Variants in CTNNA2 observed in about 807,000 individuals in gnomAD.
CTNNA2 encodes the protein catenin alpha-2.
In CTNNA2, 42 loss-of-function variants were observed where a neutral mutation model predicts 101.0. The ratio of observed to expected loss-of-function variants is 0.42; its 90% confidence interval spans 0.32 to 0.54. The LOEUF is 0.54. CTNNA2 is among the 20% of genes least tolerant of loss of function. The pLI, the probability that CTNNA2 is intolerant of heterozygous loss-of-function variation, is 0.14. For missense variants in CTNNA2, 871 were observed against 1,223.1 expected (o/e 0.71, Z 4.29); for synonymous variants, 450 against 456.4 (o/e 0.99, Z 0.18).
At chr2:79,785,047 T>C (rs1558927304) in intron 3 of CTNNA2, among the ~76,000 whole-genome samples, 1 of 152,174 alleles carries the variant, frequency 6.6e-6, no homozygotes, top group Non-Finnish European at 1.5e-5. Context: ...CATGTCTTTC[T>C]ACCTCTCTGA....
intron 17 of CTNNA2, chr2:80,612,941 C>A (rs1698582589): frequency 1.3e-5 from 2 of 151,418 alleles, no homozygotes; most frequent in Non-Finnish European, 3.0e-5. Flanking sequence ...TTTATCCAGA[C>A]CTTCCGTGCT....
At chr2:79,812,580 C>A (rs964650949) in intron 3 of CTNNA2, among the ~76,000 whole-genome samples, 5 of 152,140 alleles carry the variant, frequency 3.3e-5, no homozygotes, top group African/African-American at 9.7e-5. Context: ...TATAAGAAAC[C>A]TTATGATCTC....
intron 4 of CTNNA2, among the ~76,000 whole-genome samples, chr2:79,413,414 A>G (rs1270511355): frequency 6.6e-6 from 1 of 152,002 alleles, no homozygotes; most frequent in Non-Finnish European, 1.5e-5. Flanking sequence ...TTGTGGCTGA[A>G]TAGTATTCCA....
At chr2:79,864,390 AGTT>A (rs1457494254) in intron 4 of CTNNA2, among the ~76,000 whole-genome samples, 5 of 152,304 alleles carry the variant, frequency 3.3e-5, no homozygotes, top group Admixed American at 3.3e-4. Flanking sequence ...GCAATAACAA[AGTT>A]GAACAGAGAG....
intron 1 of CTNNA2, among the ~76,000 whole-genome samples, chr2:79,542,991 A>T (rs1673512379): frequency 6.6e-6 from 1 of 152,068 alleles, no homozygotes; most frequent in Admixed American, 6.5e-5. Flanking sequence ...TTTAAAAACA[A>T]CTCATGTGTT....
At chr2:80,238,874 C>A (rs893300154) in intron 7 of CTNNA2, among the ~76,000 whole-genome samples, 1 of 152,132 alleles carries the variant, frequency 6.6e-6, no homozygotes. Context: ...CAATTACTAC[C>A]GGCCACCTAG....
Position 80,075,103 on chromosome 2 carries a change from T to G in CTNNA2, c.1056+165306T>G, listed in dbSNP as rs1297454368. ...TTTGGTGTTTGCACTTCTATCCCTG[T>G]GTGATGGGAAGCCCCTTCATTCTGC... is the stretch of plus-strand genomic sequence containing the variant. On this transcript the variant is annotated intron_variant, in intron 7 of 18. Coordinates refer to ENST00000402739, the MANE Select transcript of CTNNA2 (RefSeq NM_001282597.3). Among the ~76,000 whole-genome samples, 11 of 152,286 alleles carry G rather than the reference T, an allele frequency of 7.2e-5. No homozygotes were observed. In the East Asian group the frequency reaches 2.1e-3, roughly 29 times the overall value.
intron 3 of CTNNA2, among the ~76,000 whole-genome samples, chr2:79,756,374 G>A (rs1672399793): frequency 6.6e-6 from 1 of 152,026 alleles, no homozygotes; most frequent in South Asian, 2.1e-4. Context: ...AATATTTTTT[G>A]AGTTCTATGC....
chr2:79,741,404 C>T (rs978322937), intron 2 of CTNNA2, among the ~76,000 whole-genome samples: 1 of 151,644 alleles, frequency 6.6e-6, no homozygotes. Context: ...GACTTTCTTG[C>T]TTATTTACTG....
chr2:80,214,840 T>A (rs540814063), intron 7 of CTNNA2, among the ~76,000 whole-genome samples: 24 of 152,324 alleles, frequency 1.6e-4, no homozygotes, highest in African/African-American at 5.8e-4. Flanking sequence ...CTGCATAATA[T>A]CCTGCAGAGT....
chr2:80,640,167 C>A (rs1056029649), intron 18 of CTNNA2, among the ~76,000 whole-genome samples: 1 of 152,066 alleles, frequency 6.6e-6, no homozygotes, highest in Non-Finnish European at 1.5e-5. Flanking sequence ...CAATAGAAAT[C>A]AAACAATTCA....
At chr2:80,271,405 C>T (rs1460700808) in intron 7 of CTNNA2, among the ~76,000 whole-genome samples, 1 of 150,090 alleles carries the variant, frequency 6.7e-6, no homozygotes, top group Non-Finnish European at 1.5e-5. Context: ...ATTGACCAAG[C>T]TTCTTTATCC....
intron 18 of CTNNA2, among the ~76,000 whole-genome samples, chr2:80,630,132 A>G (rs770146594): frequency 5.3e-5 from 8 of 152,148 alleles, no homozygotes; most frequent in Non-Finnish European, 1.0e-4. Flanking sequence ...GTTATCCCCA[A>G]ATCTTCCTGT....
At chr2:79,215,883 C>G (rs1674250051) in intron 2 of CTNNA2, among the ~76,000 whole-genome samples, 1 of 151,864 alleles carries the variant, frequency 6.6e-6, no homozygotes, top group Non-Finnish European at 1.5e-5. Flanking sequence ...CCTAGCTCGG[C>G]CTTGCGAGGA....
At chr2:79,447,281 C>T (rs1251590089) in intron 4 of CTNNA2, among the ~76,000 whole-genome samples, 4 of 151,878 alleles carry the variant, frequency 2.6e-5, no homozygotes, top group Non-Finnish European at 5.9e-5. Flanking sequence ...TCCTCCAAGC[C>T]ATCTATAAAT....
intron 4 of CTNNA2, among the ~76,000 whole-genome samples, chr2:79,492,492 C>A (rs888292427): frequency 6.6e-6 from 1 of 151,656 alleles, no homozygotes; most frequent in Admixed American, 6.6e-5. Context: ...TTAAATAGGA[C>A]AAAACATTGT....
intron 6 of CTNNA2, among the ~76,000 whole-genome samples, chr2:79,887,118 A>G (rs1418003284): frequency 6.6e-6 from 1 of 152,106 alleles, no homozygotes; most frequent in Non-Finnish European, 1.5e-5. Context: ...CTCCTGGCCC[A>G]GACTTGTGTT....
intron 3 of CTNNA2, among the ~76,000 whole-genome samples, chr2:79,853,674 T>C (rs566531384): frequency 1.6e-4 from 24 of 149,832 alleles, no homozygotes; most frequent in African/African-American, 5.8e-4. Flanking sequence ...ATTTTTCTTT[T>C]TTTTTTTTTT....
chr2:79,323,085 C>G (rs367925149), intron 3 of CTNNA2, among the ~76,000 whole-genome samples: 1 of 152,170 alleles, frequency 6.6e-6, no homozygotes, highest in East Asian at 1.9e-4. Flanking sequence ...TCCTGTCCCA[C>G]CCTCAAATTT....
Sources: allele counts gnomAD v4.1 joint callset (sites outside exome capture counted in the v4.1 genomes callset), GRCh38; gene constraint gnomAD v4.1.1; transcripts MANE v1.5; gene names NCBI Gene and HGNC (gene_info 2026-07-23, HGNC 2026-07-21).